Variants in SLC2A13 observed in about 807,000 individuals in gnomAD.
The protein encoded by SLC2A13 is proton myo-inositol cotransporter.
In SLC2A13, 32 loss-of-function variants were observed where a neutral mutation model predicts 64.4. That is an observed-to-expected ratio of 0.50 (90% CI 0.37 to 0.67). SLC2A13 has a LOEUF of 0.67. SLC2A13 is among the 30% of genes least tolerant of loss of function. The pLI, the probability that SLC2A13 is intolerant of heterozygous loss-of-function variation, is 0.00. For missense variants in SLC2A13, 743 were observed against 829.2 expected, an observed-to-expected ratio of 0.90 and a Z score of 1.28; for synonymous variants, 338 against 327.1, an observed-to-expected ratio of 1.03 and a Z score of -0.36.
intron 4 of SLC2A13, among the ~76,000 whole-genome samples, chr12:39,938,589 G>T (rs1945962461): frequency 6.6e-6 from 1 of 151,632 alleles, no homozygotes; most frequent in African/African-American, 2.4e-5. Flanking sequence ...AAGAAAAAAG[G>T]ATAATAATAT....
At chr12:40,001,334 C>T (rs1347315971) in intron 3 of SLC2A13, among the ~76,000 whole-genome samples, 1 of 152,218 alleles carries the variant, frequency 6.6e-6, no homozygotes, top group African/African-American at 2.4e-5. Flanking sequence ...ATTAAAGACA[C>T]TTCTTGAATA....
At chr12:39,901,259 A>G (rs1325783011) in intron 4 of SLC2A13, among the ~76,000 whole-genome samples, 4 of 152,218 alleles carry the variant, frequency 2.6e-5, no homozygotes, top group Non-Finnish European at 4.4e-5. Context: ...CCTAGGCAAT[A>G]CCATTCAGGA....
In SLC2A13 at chr12:39,868,012, T is replaced by C. The variant is rs367890877; in HGVS notation, c.1199-3130A>G. 2.2e-4 allele frequency among the ~76,000 whole-genome samples: 33 copies of C among 152,364 alleles called. No homozygotes were observed. In the South Asian group the frequency reaches 6.8e-3, roughly 32 times the overall value. On this transcript the variant is annotated intron_variant, in intron 5 of 9. Coordinates refer to ENST00000280871, the MANE Select transcript of SLC2A13 (RefSeq NM_052885.4). ...TCCTATCATCTACTCATATACACTA[T>C]TAAAGCATAAAACAACTTGAATTAC...
chr12:39,785,948 C>A (rs1941169108), intron 7 of SLC2A13, among the ~76,000 whole-genome samples: 1 of 152,184 alleles, frequency 6.6e-6, no homozygotes, highest in Admixed American at 6.5e-5. Flanking sequence ...TAGGAAGTAA[C>A]TAGCTTGCTT....
At chr12:39,954,843 C>T (rs1231631529) in intron 3 of SLC2A13, among the ~76,000 whole-genome samples, 2 of 152,080 alleles carry the variant, frequency 1.3e-5, no homozygotes, top group Admixed American at 6.6e-5. Context: ...TTACTGAGAG[C>T]TTCAAAATAT....
intron 3 of SLC2A13, among the ~76,000 whole-genome samples, chr12:39,998,051 C>CA (rs1311305885): frequency 1.4e-4 from 21 of 152,166 alleles, no homozygotes; most frequent in Admixed American, 3.9e-4. Context: ...AGTTATTATA[C>CA]AAAAAAGATA....
intron 4 of SLC2A13, among the ~76,000 whole-genome samples, chr12:39,891,032 T>C (rs991377961): frequency 1.3e-5 from 2 of 151,948 alleles, no homozygotes; most frequent in Admixed American, 6.6e-5. Context: ...AAACAATGAA[T>C]CTTATATATA....
intron 1 of SLC2A13, among the ~76,000 whole-genome samples, chr12:40,104,438 T>C (rs534012194): frequency 2.6e-5 from 4 of 152,186 alleles, no homozygotes; most frequent in Non-Finnish European, 5.9e-5. Context: ...ATTTTTGAAG[T>C]AAATTCCAAA....
intron 4 of SLC2A13, among the ~76,000 whole-genome samples, chr12:39,892,239 C>T (rs1005653092): frequency 6.6e-6 from 1 of 152,218 alleles, no homozygotes; most frequent in African/African-American, 2.4e-5. Context: ...TTGTCTATCT[C>T]ATTAATCTGC....
At chr12:39,832,859 T>C (rs1186906560) in intron 6 of SLC2A13, among the ~76,000 whole-genome samples, 1 of 152,118 alleles carries the variant, frequency 6.6e-6, no homozygotes, top group Non-Finnish European at 1.5e-5. Context: ...TTGCCTTATC[T>C]GTGACTTCAG....
chr12:39,963,963 T>C (rs1188709139), intron 3 of SLC2A13, among the ~76,000 whole-genome samples: 3 of 152,178 alleles, frequency 2.0e-5, no homozygotes, highest in African/African-American at 7.2e-5. Context: ...TGATCTTATG[T>C]TGGGGCAGAG....
At chr12:40,088,178 G>C (rs910249816) in intron 1 of SLC2A13, among the ~76,000 whole-genome samples, 16 of 152,098 alleles carry the variant, frequency 1.1e-4, no homozygotes, top group African/African-American at 3.9e-4. Context: ...GCTCAAAAGG[G>C]GGACAGGTAA....
In SLC2A13 at chr12:39,913,587, A is replaced by G. The variant is rs990754664; in HGVS notation, c.1034+37670T>C. Among the ~76,000 whole-genome samples the G allele has an allele frequency of 5.3e-5, 8 of 152,032 alleles. No homozygotes were observed. In the South Asian group the frequency reaches 1.0e-3, roughly 20 times the overall value. On this transcript the variant is annotated intron_variant, in intron 4 of 9. Coordinates refer to ENST00000280871, the MANE Select transcript of SLC2A13 (RefSeq NM_052885.4). Reference sequence around the variant, plus strand: ...GATGGAAGAGATGGACAAAAAATACATAAGTATTAACCAAATGAAATATTA... The same window carrying G: ...GATGGAAGAGATGGACAAAAAATACGTAAGTATTAACCAAATGAAATATTA...
At chr12:39,808,355 G>C (rs1942040905) in intron 7 of SLC2A13, among the ~76,000 whole-genome samples, 1 of 151,360 alleles carries the variant, frequency 6.6e-6, no homozygotes, top group African/African-American at 2.4e-5. Flanking sequence ...ACCTGTTGAA[G>C]TAACATCTAC....
At chr12:39,919,375 G>A (rs1018683009) in intron 4 of SLC2A13, among the ~76,000 whole-genome samples, 13 of 152,052 alleles carry the variant, frequency 8.5e-5, no homozygotes, top group African/African-American at 2.9e-4. Context: ...TTATGGACAA[G>A]TTCTTTATAG....
At chr12:40,040,502 C>T (rs139712561) in intron 2 of SLC2A13, among the ~76,000 whole-genome samples, 1 of 152,008 alleles carries the variant, frequency 6.6e-6, no homozygotes, top group East Asian at 1.9e-4. Flanking sequence ...AAGATTCTCC[C>T]ACCTCAGCCT....
chr12:39,968,584 T>TA (rs1374669344), intron 3 of SLC2A13, among the ~76,000 whole-genome samples: 1 of 151,856 alleles, frequency 6.6e-6, no homozygotes, highest in Non-Finnish European at 1.5e-5. Context: ...TGGGATCTTG[T>TA]ACACTATTAT....
rs1592047869 is a variant in SLC2A13 at position 40,059,376 on chromosome 12, T to C, written c.557-11166A>G. Among the ~76,000 whole-genome samples the C allele has an allele frequency of 3.3e-5, 5 of 152,280 alleles. 1 individual carries two copies. The highest frequency in any genetic ancestry group is 3.3e-4 in the Admixed American group (5 of 15,276). ...TAGACATATAGATAGATAAAACAGA[T>C]ACACATTGAGTATGGAAAACCTTAA... On this transcript the variant is annotated intron_variant, in intron 1 of 9. Coordinates refer to ENST00000280871, the MANE Select transcript of SLC2A13 (RefSeq NM_052885.4).
intron 9 of SLC2A13, among the ~76,000 whole-genome samples, chr12:39,760,576 A>G (rs1315886557): frequency 6.6e-6 from 1 of 151,942 alleles, no homozygotes; most frequent in Non-Finnish European, 1.5e-5. Flanking sequence ...TGTTGTTGAG[A>G]CCCCTAAAAT....
Sources: gnomAD v4.1 joint callset for allele counts (sites outside exome capture counted in the v4.1 genomes callset) on GRCh38, gnomAD v4.1.1 for gene constraint, MANE v1.5 for transcripts, NCBI Gene and HGNC (gene_info 2026-07-23, HGNC 2026-07-21) for gene names.